The following MICAL3 variants were observed in gnomAD, a reference collection of about 807,000 sequenced individuals.
MICAL3 encodes [F-actin]-monooxygenase MICAL3.
In MICAL3, 62 loss-of-function variants were observed where a neutral mutation model predicts 207.4. That is an observed-to-expected ratio of 0.30 (90% CI 0.24 to 0.37). The LOEUF is 0.37. Among genes scored for constraint, MICAL3 ranks in the 10% least tolerant of loss-of-function variants. MICAL3 has a pLI of 1.00. For synonymous variants in MICAL3, 1,077 were observed against 1,069.3 expected (o/e 1.01, Z -0.14); for missense variants, 2,368 against 2,635.6 (o/e 0.90, Z 2.22).
rs775149243 is a variant in MICAL3 at position 17,810,809 on chromosome 22, C to G, written c.5450G>C (p.Arg1817Thr). 59 of 1,613,668 alleles carry G rather than the reference C, an allele frequency of 3.7e-5. No homozygotes were observed. The highest frequency in any genetic ancestry group is 4.4e-5 in the Non-Finnish European group (52 of 1,179,662). The change falls in exon 28 of 32, where the codon AGA becomes ACA. Residue 1817 changes from arginine (R) to threonine (T), a missense_variant. Coordinates refer to ENST00000441493, the MANE Select transcript of MICAL3 (RefSeq NM_015241.3). ...ATTCAGTTCCTCCTCCGTGTAGGTT[C>G]TTGGCTGGAGAGAACAAGAGAAACT... ...KSSQKSRREP[R>T]TYTEEELNAK...
At chr22:17,949,335 A>G (rs1323918049) in intron 1 of MICAL3, among the ~76,000 whole-genome samples, 1 of 152,250 alleles carries the variant, frequency 6.6e-6, no homozygotes. Context: ...ACACTGTGAC[A>G]TGATTCACCT....
At chr22:17,987,183 G>C (rs1921117021) in intron 1 of MICAL3, among the ~76,000 whole-genome samples, 1 of 152,198 alleles carries the variant, frequency 6.6e-6, no homozygotes, top group Non-Finnish European at 1.5e-5. Flanking sequence ...CCAGGCTGCA[G>C]TGAGCTATGA....
intron 16 of MICAL3, chr22:17,876,935 T>TATGGAGGTTAGGGAGGTG (rs1569109463): frequency 2.4e-5 from 1 of 42,162 alleles, no homozygotes; most frequent in Admixed American, 1.9e-4. Context: ...TTAGGGAGGT[T>TATGGAGGTTAGGGAGGTG]AGGGAGGTTA....
At chr22:18,013,454 A>T (rs901462446) in intron 1 of MICAL3, among the ~76,000 whole-genome samples, 3 of 152,260 alleles carry the variant, frequency 2.0e-5, no homozygotes, top group Non-Finnish European at 4.4e-5. Context: ...AAGGTGGCAC[A>T]GCTAATGAGT....
chr22:17,924,823 G>A (rs1932878792), intron 1 of MICAL3, among the ~76,000 whole-genome samples: 3 of 152,190 alleles, frequency 2.0e-5, no homozygotes, highest in Non-Finnish European at 4.4e-5. Flanking sequence ...ATTGCTGCAG[G>A]ATGACATAGT....
intron 1 of MICAL3, among the ~76,000 whole-genome samples, chr22:17,911,533 T>C (rs184858234): frequency 6.6e-6 from 1 of 152,034 alleles, no homozygotes; most frequent in Admixed American, 6.6e-5. Context: ...TCTAAACAGA[T>C]CTTGAAAGCG....
At chr22:17,897,248 C>T (rs1203799862) in intron 7 of MICAL3, among the ~76,000 whole-genome samples, 1 of 151,804 alleles carries the variant, frequency 6.6e-6, no homozygotes, top group African/African-American at 2.4e-5. Context: ...CATGATGAAA[C>T]CCCATCTGTA....
At chr22:17,803,505 G>A (rs1444980975) in intron 29 of MICAL3, 1 of 151,954 alleles carries the variant, frequency 6.6e-6, no homozygotes, top group Non-Finnish European at 1.5e-5. Flanking sequence ...AGCTGTGTTG[G>A]AGTGTGTGTA....
At chr22:17,977,065 A>C (rs962681234) in intron 1 of MICAL3, among the ~76,000 whole-genome samples, 2 of 152,150 alleles carry the variant, frequency 1.3e-5, no homozygotes, top group African/African-American at 4.8e-5. Flanking sequence ...CGCCTCCCAA[A>C]GTGCTGGGAT....
intron 1 of MICAL3, among the ~76,000 whole-genome samples, chr22:17,929,563 CTTTTCTT>C (rs1933126166): frequency 5.2e-5 from 5 of 95,610 alleles, no homozygotes; most frequent in Non-Finnish European, 8.3e-5. Flanking sequence ...CTTTCCTTTT[CTTTTCTT>C]TTTTTTTTTT....
chr22:17,791,753 T>A (rs890571397), intron 29 of MICAL3: 10 of 179,410 alleles, frequency 5.6e-5, no homozygotes, highest in Non-Finnish European at 1.1e-4. Flanking sequence ...AACTCAGCTC[T>A]TTCTTGGGCT....
chr22:17,867,316 C>T (rs770109288), intron 17 of MICAL3, among the ~76,000 whole-genome samples: 48 of 152,324 alleles, frequency 3.2e-4, no homozygotes, highest in Admixed American at 8.5e-4. Flanking sequence ...GCCAAAAGTC[C>T]GCCAGTCTTA....
intron 1 of MICAL3, among the ~76,000 whole-genome samples, chr22:17,966,371 G>A (rs955043533): frequency 6.6e-6 from 1 of 152,132 alleles, no homozygotes; most frequent in Non-Finnish European, 1.5e-5. Context: ...CCCCGCAGAA[G>A]ACCTGCCTTC....
intron 1 of MICAL3, among the ~76,000 whole-genome samples, chr22:17,925,545 A>G (rs1490351860): frequency 6.6e-6 from 1 of 152,164 alleles, no homozygotes; most frequent in Non-Finnish European, 1.5e-5. Context: ...GTTGCTGCCA[A>G]TTCAGCAACA....
At chr22:17,806,722 A>C (rs2061992954) in intron 29 of MICAL3, among the ~76,000 whole-genome samples, 1 of 152,058 alleles carries the variant, frequency 6.6e-6, no homozygotes, top group African/African-American at 2.4e-5. Context: ...TTTTGATTTT[A>C]AACTTGAACT....
At chr22:17,847,616 C>CGACCGT (rs558748292) in intron 19 of MICAL3, among the ~76,000 whole-genome samples, 80 of 152,190 alleles carry the variant, frequency 5.3e-4, no homozygotes, top group African/African-American at 1.8e-3. Flanking sequence ...TAAAAGGGGC[C>CGACCGT]GACCGTGACC....
At chr22:17,798,136 G>A (rs567639955) in intron 29 of MICAL3, among the ~76,000 whole-genome samples, 11 of 152,366 alleles carry the variant, frequency 7.2e-5, no homozygotes, top group Admixed American at 3.3e-4. Flanking sequence ...ACCACACACA[G>A]AGGTGTAATG....
intron 7 of MICAL3, among the ~76,000 whole-genome samples, chr22:17,897,973 G>T (rs1930992656): frequency 6.6e-6 from 1 of 152,192 alleles, no homozygotes; most frequent in Non-Finnish European, 1.5e-5. Flanking sequence ...GGTCCTTTCA[G>T]CCACCACTAC....
At chr22:17,912,480 T>TG (rs1932208300) in intron 1 of MICAL3, among the ~76,000 whole-genome samples, 3 of 152,208 alleles carry the variant, frequency 2.0e-5, no homozygotes, top group African/African-American at 7.2e-5. Context: ...TAAGCGTGAA[T>TG]TTGTTCTCAT....
Sources: allele counts gnomAD v4.1 joint callset (sites outside exome capture counted in the v4.1 genomes callset), GRCh38; gene constraint gnomAD v4.1.1; transcripts MANE v1.5; gene names NCBI Gene and HGNC (gene_info 2026-07-23, HGNC 2026-07-21).